Variants in KCNIP1 observed in about 807,000 individuals in gnomAD.
KCNIP1 encodes the protein potassium voltage-gated channel interacting protein 1, also known as A-type potassium channel modulatory protein KCNIP1.
Under a neutral mutation model 33.0 loss-of-function variants are expected in KCNIP1, and 18 were observed. The ratio of observed to expected loss-of-function variants is 0.55; its 90% confidence interval spans 0.38 to 0.81. KCNIP1 has a LOEUF of 0.81. KCNIP1 is among the 30% of genes least tolerant of loss of function. KCNIP1 has a pLI of 0.00. For synonymous variants in KCNIP1, 93 were observed against 98.3 expected (o/e 0.95, Z 0.32); for missense variants, 238 against 271.6 (o/e 0.88, Z 0.87).
At chr5:170,643,316 T>A (rs1159450836) in intron 1 of KCNIP1, among the ~76,000 whole-genome samples, 2 of 152,266 alleles carry the variant, frequency 1.3e-5, no homozygotes, top group Non-Finnish European at 2.9e-5. Flanking sequence ...GACTCCACAT[T>A]TCTGGCTCCA....
At chr5:170,669,171 C>T (rs764012127) in intron 1 of KCNIP1, among the ~76,000 whole-genome samples, 24 of 152,216 alleles carry the variant, frequency 1.6e-4, no homozygotes, top group African/African-American at 5.5e-4. Flanking sequence ...ATTGAATGAA[C>T]GATGAATGAA....
chr5:170,715,534 C>G (rs1309408770), intron 1 of KCNIP1, among the ~76,000 whole-genome samples: 1 of 152,178 alleles, frequency 6.6e-6, no homozygotes, highest in African/African-American at 2.4e-5. Context: ...GTGATTCCAT[C>G]TCTCTTTGCC....
intron 1 of KCNIP1, among the ~76,000 whole-genome samples, chr5:170,497,644 A>C (rs542729293): frequency 6.6e-6 from 1 of 152,226 alleles, no homozygotes; most frequent in South Asian, 2.1e-4. Flanking sequence ...CCTTCTGTCC[A>C]CCCCCAGACA....
At chr5:170,554,958 CA>C (rs1324461121) in intron 1 of KCNIP1, among the ~76,000 whole-genome samples, 1 of 152,142 alleles carries the variant, frequency 6.6e-6, no homozygotes, top group Non-Finnish European at 1.5e-5. Context: ...TTAATTAGAC[CA>C]GGAAGTCCCA....
At chr5:170,624,457 T>TA (rs1029057182) in intron 1 of KCNIP1, among the ~76,000 whole-genome samples, 9 of 152,106 alleles carry the variant, frequency 5.9e-5, no homozygotes, top group African/African-American at 2.2e-4. Flanking sequence ...ACTCTATCTT[T>TA]AACTGTATTC....
intron 1 of KCNIP1, among the ~76,000 whole-genome samples, chr5:170,365,884 A>G (rs1395697349): frequency 6.6e-6 from 1 of 152,116 alleles, no homozygotes; most frequent in African/African-American, 2.4e-5. Flanking sequence ...GGCTTGTGTC[A>G]AATTAAGGAT....
In KCNIP1 at chr5:170,511,811, A is replaced by G. The variant is rs187426569; in HGVS notation, c.61+7178A>G. On this transcript the variant is annotated intron_variant, in intron 1 of 7. Coordinates refer to ENST00000328939, the MANE Select transcript of KCNIP1 (RefSeq NM_014592.4). ...GCAGAGCCTGGTTCTGGTTGATCCC[A>G]GACCCTGAGCTTCTAACTGCCATAC... Among the ~76,000 whole-genome samples the G allele has an allele frequency of 6.6e-4, 101 of 152,322 alleles. 1 individual carries two copies. In the East Asian group the frequency reaches 0.017, roughly 25 times the overall value.
chr5:170,550,461 GATGATGGTGATGATGATGGTGATGACA>G (rs1469187374), intron 1 of KCNIP1, among the ~76,000 whole-genome samples: 3 of 151,884 alleles, frequency 2.0e-5, no homozygotes, highest in African/African-American at 7.3e-5. Context: ...TGGCAATGAT[GATGATGGTGATGATGATGGTGATGACA>G]ATGATGGTGA....
At chr5:170,501,206 G>A (rs546498318), upstream of KCNIP1, among the ~76,000 whole-genome samples, 2 of 152,186 alleles carry the variant, frequency 1.3e-5, no homozygotes, top group Non-Finnish European at 2.9e-5. Context: ...GGGCCAGGGA[G>A]GGATCCCTGG....
upstream of KCNIP1, among the ~76,000 whole-genome samples, chr5:170,503,508 A>T (rs1322240983): frequency 6.6e-6 from 1 of 151,686 alleles, no homozygotes; most frequent in Non-Finnish European, 1.5e-5. Flanking sequence ...CCATAGGAGG[A>T]TTCTGCAGAA....
At chr5:170,424,989 C>G (rs1408614074) in intron 1 of KCNIP1, among the ~76,000 whole-genome samples, 2 of 152,184 alleles carry the variant, frequency 1.3e-5, no homozygotes, top group Admixed American at 6.5e-5. Flanking sequence ...TCCTCAGACC[C>G]TTCCCATGAC....
intron 1 of KCNIP1, among the ~76,000 whole-genome samples, chr5:170,491,261 T>A (rs1291971052): frequency 6.6e-6 from 1 of 152,150 alleles, no homozygotes; most frequent in East Asian, 1.9e-4. Flanking sequence ...GATGAATGAA[T>A]GAATGAATGA....
intron 1 of KCNIP1, among the ~76,000 whole-genome samples, chr5:170,406,411 C>A (rs554079808): frequency 4.0e-4 from 61 of 152,284 alleles, no homozygotes; most frequent in Middle Eastern, 3.4e-3. Context: ...GTAAATGTGG[C>A]CAAGTTACTT....
intron 1 of KCNIP1, among the ~76,000 whole-genome samples, chr5:170,650,929 G>A (rs1439387968): frequency 6.6e-6 from 1 of 152,194 alleles, no homozygotes; most frequent in Non-Finnish European, 1.5e-5. Context: ...AATATGCAAG[G>A]AGAATAACAA....
chr5:170,712,238 T>C (rs1461217410), intron 1 of KCNIP1, among the ~76,000 whole-genome samples: 2 of 152,242 alleles, frequency 1.3e-5, no homozygotes, highest in Admixed American at 6.5e-5. Flanking sequence ...GCTAACCCTC[T>C]TCTGCAACTA....
At chr5:170,427,287 C>A (rs527923965) in intron 1 of KCNIP1, among the ~76,000 whole-genome samples, 7 of 152,188 alleles carry the variant, frequency 4.6e-5, no homozygotes, top group African/African-American at 9.7e-5. Context: ...GCCCCTCCTG[C>A]GGCCTCCAAC....
At chr5:170,564,264 T>G (rs1757132774) in intron 1 of KCNIP1, among the ~76,000 whole-genome samples, 3 of 152,174 alleles carry the variant, frequency 2.0e-5, no homozygotes, top group Non-Finnish European at 4.4e-5. Context: ...GTACTCGTGT[T>G]CTGGGAGTGT....
intron 1 of KCNIP1, among the ~76,000 whole-genome samples, chr5:170,434,304 G>A (rs912710273): frequency 6.6e-6 from 1 of 152,150 alleles, no homozygotes; most frequent in Non-Finnish European, 1.5e-5. Flanking sequence ...ATGTATGTAA[G>A]CATATATATA....
At chr5:170,450,772 C>T (rs533086809) in intron 1 of KCNIP1, among the ~76,000 whole-genome samples, 9 of 152,300 alleles carry the variant, frequency 5.9e-5, no homozygotes, top group Non-Finnish European at 1.2e-4. Context: ...CCCCTGGCCA[C>T]GCAGGATCCC....
Sources: allele counts gnomAD v4.1 joint callset (sites outside exome capture counted in the v4.1 genomes callset), GRCh38; gene constraint gnomAD v4.1.1; transcripts MANE v1.5; gene names NCBI Gene and HGNC (gene_info 2026-07-23, HGNC 2026-07-21).